Variants in USP37 observed in about 807,000 individuals in gnomAD.
The protein encoded by USP37 is ubiquitin carboxyl-terminal hydrolase 37.
In USP37, 27 loss-of-function variants were observed where a neutral mutation model predicts 124.0. That is an observed-to-expected ratio of 0.22 (90% CI 0.16 to 0.30). The LOEUF is 0.30. Ranked by LOEUF, USP37 falls within the 10% of genes least tolerant of loss-of-function variation. The pLI is 1.00. For missense variants in USP37, 889 were observed against 1,140.4 expected (o/e 0.78, Z 3.17); for synonymous variants, 365 against 388.0 (o/e 0.94, Z 0.70).
chr2:218,500,312 T>G (rs931260706), intron 11 of USP37, among the ~76,000 whole-genome samples: 3 of 152,114 alleles, frequency 2.0e-5, no homozygotes, highest in Non-Finnish European at 4.4e-5. Flanking sequence ...CAGGCTGGAG[T>G]GCAGTGGTGT....
At chr2:218,458,039 C>CAAAA (rs34696201) in intron 23 of USP37, among the ~76,000 whole-genome samples, 19 of 90,088 alleles carry the variant, frequency 2.1e-4, no homozygotes, top group Middle Eastern at 5.3e-3. Flanking sequence ...GACTCTGTCT[C>CAAAA]AAAAAAAAAA....
In USP37 at chr2:218,516,165, G is replaced by A. The variant is rs139233218; in HGVS notation, c.864-6025C>T. ...GGATCTAGAACCAGAAATATCATTCGACCCAGCAATCCCATTACTGGGTAT... is the reference window on the plus strand; with the variant it reads ...GGATCTAGAACCAGAAATATCATTCAACCCAGCAATCCCATTACTGGGTAT... On this transcript the variant is annotated intron_variant, in intron 10 of 25. Transcript: ENST00000258399. Among the ~76,000 whole-genome samples, 1,018 of 152,220 alleles carry A rather than the reference G, an allele frequency of 6.7e-3. 9 individuals carry two copies. Among genetic ancestry groups the A allele is most frequent in the Middle Eastern group, 0.014 (4 of 294 alleles).
At chr2:218,482,031 C>A in intron 17 of USP37, 39 bp downstream of exon 17, 1 of 1,536,638 alleles carries the variant, frequency 6.5e-7, no homozygotes, top group Non-Finnish European at 8.8e-7. Context: ...CTTTCTATTT[C>A]AAAAGGGAAT....
At chr2:218,550,556 TATA>T (rs1467259685) in intron 5 of USP37, among the ~76,000 whole-genome samples, 3 of 150,470 alleles carry the variant, frequency 2.0e-5, no homozygotes, top group Non-Finnish European at 3.0e-5. Flanking sequence ...AAAAACTCCT[TATA>T]ATAAGAATTA....
At chr2:218,518,709 T>C (rs574093613) in intron 10 of USP37, among the ~76,000 whole-genome samples, 6 of 152,366 alleles carry the variant, frequency 3.9e-5, no homozygotes, top group East Asian at 1.9e-4. Flanking sequence ...CTGAATCTTC[T>C]GAATCATTTT....
intron 17 of USP37, among the ~76,000 whole-genome samples, chr2:218,481,727 T>C (rs1040089335): frequency 1.6e-4 from 24 of 150,162 alleles, no homozygotes; most frequent in Non-Finnish European, 3.3e-4. Context: ...CTGATCACCA[T>C]TCACTGCAGC....
chr2:218,536,080 A>G (rs1423136734), intron 8 of USP37, among the ~76,000 whole-genome samples: 1 of 151,914 alleles, frequency 6.6e-6, no homozygotes, highest in African/African-American at 2.4e-5. Context: ...TGTATTCCAC[A>G]TGAATAGCAA....
Position 218,495,858 on chromosome 2 carries a change from T to C in USP37, c.1374A>G (p.Gly458=). 1 of 1,614,026 alleles carries C rather than the reference T, an allele frequency of 6.2e-7. No individual in the cohort carries two copies. Among genetic ancestry groups the C allele is most frequent in the Non-Finnish European group, 8.5e-7 (1 of 1,180,002 alleles). Reference sequence around the variant, plus strand: ...CTGAAATATCTGGTGAATTTTCTTCTCCAGAAACAGGTTCAGTCTTCCAAG... The same window carrying C: ...CTGAAATATCTGGTGAATTTTCTTCCCCAGAAACAGGTTCAGTCTTCCAAG... ...NKTWKTEPVS[G]EENSPDISAT... The change falls in exon 14 of 26, where the codon GGA becomes GGG. Residue 458 remains glycine (G), a synonymous_variant. Coordinates refer to ENST00000258399, the MANE Select transcript of USP37 (RefSeq NM_020935.3).
intron 11 of USP37, among the ~76,000 whole-genome samples, chr2:218,506,320 T>C (rs1256536628): frequency 8.6e-6 from 1 of 116,226 alleles, no homozygotes; most frequent in Non-Finnish European, 1.7e-5. Context: ...AGATGGAGTG[T>C]CACTCTGTCA....
At chr2:218,513,206 T>G (rs1029352672) in intron 10 of USP37, among the ~76,000 whole-genome samples, 1 of 151,966 alleles carries the variant, frequency 6.6e-6, no homozygotes, top group African/African-American at 2.4e-5. Flanking sequence ...AATTTTTGTA[T>G]TTTTTTGAAG....
At chr2:218,544,272 T>TG (rs1197852332) in intron 8 of USP37, among the ~76,000 whole-genome samples, 3 of 148,864 alleles carry the variant, frequency 2.0e-5, no homozygotes, top group Admixed American at 6.7e-5. Context: ...CCAAGCTACA[T>TG]GGGAGGCTGA....
intron 10 of USP37, among the ~76,000 whole-genome samples, chr2:218,521,683 T>C (rs932337620): frequency 1.3e-5 from 2 of 152,240 alleles, no homozygotes; most frequent in African/African-American, 2.4e-5. Flanking sequence ...TTCTTTTTTA[T>C]GCCTGCAATA....
intron 8 of USP37, among the ~76,000 whole-genome samples, chr2:218,544,406 A>AAAT (rs1312705279): frequency 5.1e-4 from 42 of 82,960 alleles, no homozygotes; most frequent in Admixed American, 7.6e-4. Flanking sequence ...AAAAAAAAAA[A>AAAT]ATATATATAT....
At chr2:218,498,252 C>T in intron 11 of USP37, 95 bp from the exon 12 acceptor site, 11 of 1,319,906 alleles carry the variant, frequency 8.3e-6, no homozygotes, top group Non-Finnish European at 1.1e-5. Context: ...TTCAGAATCA[C>T]CTGGAGGGCT....
At chr2:218,476,476 G>A (rs760988544) in intron 19 of USP37, among the ~76,000 whole-genome samples, 25 of 152,112 alleles carry the variant, frequency 1.6e-4, no homozygotes, top group Non-Finnish European at 2.8e-4. Context: ...TTGGGGAGCT[G>A]AGGTAGGAGG....
chr2:218,498,358 C>A, intron 11 of USP37: 2 of 387,444 alleles, frequency 5.2e-6, no homozygotes, highest in Non-Finnish European at 8.9e-6. Flanking sequence ...CAAAAATGTC[C>A]ATTTCTAACA....
chr2:218,484,285 C>T (rs971201084), intron 16 of USP37, among the ~76,000 whole-genome samples: 1 of 152,088 alleles, frequency 6.6e-6, no homozygotes, highest in African/African-American at 2.4e-5. Flanking sequence ...AGATTACAGG[C>T]GTGAACCACC....
chr2:218,473,472 T>C (rs933183903), intron 20 of USP37, among the ~76,000 whole-genome samples: 2 of 152,222 alleles, frequency 1.3e-5, no homozygotes, highest in Non-Finnish European at 2.9e-5. Flanking sequence ...GCAAAATAAT[T>C]CATAATTGAA....
At chr2:218,489,728 T>C (rs971965716) in intron 14 of USP37, among the ~76,000 whole-genome samples, 6 of 152,074 alleles carry the variant, frequency 3.9e-5, no homozygotes, top group Non-Finnish European at 7.4e-5. Context: ...TCCACCTGCC[T>C]CGGCCTCCCA....
Sources: allele counts gnomAD v4.1 joint callset (sites outside exome capture counted in the v4.1 genomes callset), GRCh38; gene constraint gnomAD v4.1.1; transcripts MANE v1.5; gene names NCBI Gene and HGNC (gene_info 2026-07-23, HGNC 2026-07-21).